Variants in MIPEP observed in about 807,000 individuals in gnomAD.
The protein encoded by MIPEP is mitochondrial intermediate peptidase.
MIPEP carries 79 observed loss-of-function variants against 90.3 expected under a neutral mutation model. The ratio of observed to expected loss-of-function variants is 0.87; its 90% confidence interval spans 0.73 to 1.05. MIPEP has a LOEUF of 1.05. Among genes scored for constraint, MIPEP ranks in the 50% least tolerant of loss-of-function variants. The pLI, the probability that MIPEP is intolerant of heterozygous loss-of-function variation, is 0.00. For missense variants in MIPEP, 940 were observed against 905.6 expected, an observed-to-expected ratio of 1.04 and a Z score of -0.49; for synonymous variants, 334 against 315.8, an observed-to-expected ratio of 1.06 and a Z score of -0.61.
At chr13:23,733,190 C>T (rs1158568000) in intron 18 of MIPEP, among the ~76,000 whole-genome samples, 1 of 152,094 alleles carries the variant, frequency 6.6e-6, no homozygotes, top group Admixed American at 6.5e-5. Context: ...AAAGTGCAGT[C>T]AGTGTGGAGA....
chr13:23,788,020 G>T (rs1348569007), intron 16 of MIPEP, among the ~76,000 whole-genome samples: 1 of 152,190 alleles, frequency 6.6e-6, no homozygotes. Flanking sequence ...AGCTGGAGGA[G>T]GGTGGGTGTG....
At chr13:23,780,784 G>A (rs989611815) in intron 16 of MIPEP, among the ~76,000 whole-genome samples, 4 of 152,126 alleles carry the variant, frequency 2.6e-5, no homozygotes, top group African/African-American at 9.7e-5. Flanking sequence ...TGAAAACTAC[G>A]GCACAAGAAC....
At chr13:23,743,619 A>T (rs1263140660) in intron 18 of MIPEP, among the ~76,000 whole-genome samples, 1 of 152,154 alleles carries the variant, frequency 6.6e-6, no homozygotes, top group Non-Finnish European at 1.5e-5. Flanking sequence ...CCTGTGTTAG[A>T]CAGAAGTTGA....
At chr13:23,732,973 T>C (rs1228576783) in intron 18 of MIPEP, among the ~76,000 whole-genome samples, 4 of 152,206 alleles carry the variant, frequency 2.6e-5, no homozygotes, top group African/African-American at 9.6e-5. Flanking sequence ...TAAACGAATC[T>C]AGGTGTAAAA....
chr13:23,754,646 T>A (rs912182481), intron 18 of MIPEP, among the ~76,000 whole-genome samples: 1 of 152,182 alleles, frequency 6.6e-6, no homozygotes, highest in South Asian at 2.1e-4. Flanking sequence ...TGAAAAAGAT[T>A]TACATTTTTT....
At chr13:23,736,316 C>G (rs1210733945) in intron 18 of MIPEP, among the ~76,000 whole-genome samples, 1 of 152,070 alleles carries the variant, frequency 6.6e-6, no homozygotes, top group Admixed American at 6.5e-5. Flanking sequence ...TATGAGCTCA[C>G]AAAAGGAAGC....
At chr13:23,807,224 A>G (rs886987930) in intron 15 of MIPEP, among the ~76,000 whole-genome samples, 4 of 152,248 alleles carry the variant, frequency 2.6e-5, no homozygotes, top group Non-Finnish European at 5.9e-5. Context: ...TTGCAAAGAA[A>G]TCTAAAATAA....
intron 18 of MIPEP, among the ~76,000 whole-genome samples, chr13:23,753,206 C>T (rs1465483849): frequency 7.0e-6 from 1 of 142,814 alleles, no homozygotes; most frequent in Non-Finnish European, 1.5e-5. Flanking sequence ...CCAGCCTGGG[C>T]AGTAGAGACT....
intron 16 of MIPEP, among the ~76,000 whole-genome samples, chr13:23,778,713 CAAT>C (rs10687980): frequency 6.6e-6 from 1 of 150,898 alleles, no homozygotes. Flanking sequence ...ATTATACTGA[CAAT>C]AATAATAATA....
intron 10 of MIPEP, among the ~76,000 whole-genome samples, chr13:23,851,746 G>A (rs1163242740): frequency 6.6e-6 from 1 of 151,466 alleles, no homozygotes; most frequent in African/African-American, 2.4e-5. Flanking sequence ...CCACGCTGGA[G>A]TACAGTGGCA....
chr13:23,881,947 T>G (rs755279245), intron 2 of MIPEP, among the ~76,000 whole-genome samples, 160 bp from the exon 3 acceptor site: 3 of 152,242 alleles, frequency 2.0e-5, no homozygotes, highest in Non-Finnish European at 4.4e-5. Context: ...CAAAGCAGCT[T>G]CTTTCTGAAC....
rs142993718 is a variant in MIPEP at position 23,805,690 on chromosome 13, T to C, written c.1848+260A>G. Among the ~76,000 whole-genome samples, 505 of 152,274 alleles carry C rather than the reference T, an allele frequency of 3.3e-3. 2 individuals are homozygous for C. Among genetic ancestry groups the C allele is most frequent in the African/African-American group, 0.012 (491 of 41,554 alleles). ...AGAAAAATAACTAAAAAGAAGAATA[T>C]AGACCAACTCCAATGGCCTTTTTAA... On this transcript the variant is annotated intron_variant, in intron 16 of 18. Transcript: ENST00000382172.
chr13:23,854,872 A>G (rs1370179319), intron 10 of MIPEP, among the ~76,000 whole-genome samples: 1 of 150,506 alleles, frequency 6.6e-6, no homozygotes, highest in Non-Finnish European at 1.5e-5. Flanking sequence ...AGCCTGGGCA[A>G]CAGAGGAAGA....
chr13:23,813,709 C>A (rs530071050), intron 14 of MIPEP, among the ~76,000 whole-genome samples: 1 of 152,208 alleles, frequency 6.6e-6, no homozygotes, highest in African/African-American at 2.4e-5. Context: ...GATCCTCCCA[C>A]CTCAGCCAAG....
At chr13:23,756,976 G>A (rs989668476) in intron 17 of MIPEP, 3 of 279,618 alleles carry the variant, frequency 1.1e-5, no homozygotes, top group African/African-American at 2.2e-5. Flanking sequence ...TTCCACAGAC[G>A]AGGGTTGATG....
intron 1 of MIPEP, among the ~76,000 whole-genome samples, chr13:23,886,736 A>G (rs1181681842): frequency 3.3e-5 from 5 of 152,068 alleles, no homozygotes; most frequent in Non-Finnish European, 1.5e-5. Flanking sequence ...ATTTTCCGGA[A>G]AAAACAACAA....
intron 7 of MIPEP, among the ~76,000 whole-genome samples, chr13:23,866,022 C>T (rs144912901): frequency 2.0e-5 from 3 of 152,136 alleles, no homozygotes; most frequent in Non-Finnish European, 4.4e-5. Flanking sequence ...CAGTTTGAAA[C>T]CCCCCACTAA....
At chr13:23,820,526 A>G (rs999000452) in intron 14 of MIPEP, among the ~76,000 whole-genome samples, 17 of 152,266 alleles carry the variant, frequency 1.1e-4, no homozygotes, top group African/African-American at 3.9e-4. Flanking sequence ...TTTCACTAAT[A>G]AAAGAAAGAA....
intron 14 of MIPEP, among the ~76,000 whole-genome samples, chr13:23,824,234 C>T (rs896189242): frequency 2.6e-5 from 4 of 152,196 alleles, no homozygotes; most frequent in African/African-American, 7.2e-5. Flanking sequence ...TTCACAATCT[C>T]ACTAGTCTAA....
Sources: gnomAD v4.1 joint callset for allele counts (sites outside exome capture counted in the v4.1 genomes callset) on GRCh38, gnomAD v4.1.1 for gene constraint, MANE v1.5 for transcripts, NCBI Gene and HGNC (gene_info 2026-07-23, HGNC 2026-07-21) for gene names.